IQSEC3: variants seen among roughly 807,000 people sequenced by gnomAD.
The protein encoded by IQSEC3 is IQ motif and Sec7 domain ArfGEF 3, also known as IQ motif and SEC7 domain-containing protein 3.
Under a neutral mutation model 105.4 loss-of-function variants are expected in IQSEC3, and 50 were observed. The ratio of observed to expected loss-of-function variants is 0.47; its 90% CI spans 0.38 to 0.60. IQSEC3 has a LOEUF of 0.60. Ranked by LOEUF, IQSEC3 falls within the 20% of genes least tolerant of loss-of-function variation. The pLI is 0.00. For synonymous variants in IQSEC3, 708 were observed against 746.0 expected (o/e 0.95, Z 0.83); for missense variants, 1,415 against 1,630.0 (o/e 0.87, Z 2.27).
Position 138,441 on chromosome 12 carries a change from A to ACGGCCGAGAGCCTGG in IQSEC3, c.1088_1102dup (p.Ser363_Glu367dup). 1.2e-6 allele frequency: 2 copies of ACGGCCGAGAGCCTGG among 1,605,324 alleles called. No homozygotes were observed. Among genetic ancestry groups the ACGGCCGAGAGCCTGG allele is most frequent in the Non-Finnish European group, 8.5e-7 (1 of 1,179,380 alleles). ...CTCCCTGCGCAAGGTGCGGTCACCC[A>ACGGCCGAGAGCCTGG]CGGCCGAGAGCCTGGCGGCCGAGAA... On this transcript the variant is annotated inframe_insertion, in exon 4 of 14. Transcript: ENST00000538872. This position sits in a 1 kb window ranked among gnomAD's most constrained non-coding sequence, Gnocchi z 7.1.
intron 5 of IQSEC3, among the ~76,000 whole-genome samples, chr12:147,315 G>C (rs895986493): frequency 6.6e-6 from 1 of 152,222 alleles, no homozygotes; most frequent in African/African-American, 2.4e-5. Context: ...ATCAGCATGT[G>C]CTGTGTGCCA....
chr12:73,866 G>C (rs1863421378), intron 1 of IQSEC3, among the ~76,000 whole-genome samples: 2 of 152,254 alleles, frequency 1.3e-5, no homozygotes, highest in South Asian at 4.1e-4. Flanking sequence ...ACCCTGAAAA[G>C]CAACCAGCAG....
intron 2 of IQSEC3, among the ~76,000 whole-genome samples, chr12:119,740 A>G (rs1252524739): frequency 6.6e-6 from 1 of 152,160 alleles, no homozygotes; most frequent in Non-Finnish European, 1.5e-5. Flanking sequence ...CATGTTGGGT[A>G]AGAATGGTGA....
At chr12:163,176 C>G in intron 8 of IQSEC3, among the ~76,000 whole-genome samples, 1 of 146,718 alleles carries the variant, frequency 6.8e-6, no homozygotes, top group Non-Finnish European at 1.5e-5. Flanking sequence ...AACCCCTCCC[C>G]TCTCCTCCCT....
intron 2 of IQSEC3, chr12:111,765 A>T (rs1864895495): frequency 6.6e-6 from 1 of 152,182 alleles, no homozygotes; most frequent in Admixed American, 6.5e-5. Flanking sequence ...ATCGAGTGGG[A>T]CACATCTCCC....
chr12:69,460 AAGGAGCAGAACAAAAATAAAAAATAATT>A (rs1555066895), intron 1 of IQSEC3, among the ~76,000 whole-genome samples: 1 of 152,258 alleles, frequency 6.6e-6, no homozygotes, highest in East Asian at 1.9e-4. Flanking sequence ...TTGCTTCCCA[AAGGAGCAGAACAAAAATAAAAAATAATT>A]AGCATGGTGG....
intron 1 of IQSEC3, among the ~76,000 whole-genome samples, chr12:73,575 C>T (rs567711472): frequency 6.6e-6 from 1 of 152,246 alleles, no homozygotes; most frequent in African/African-American, 2.4e-5. Context: ...GAGGCTGAGG[C>T]AGGAGAATCA....
rs782021780 is a variant in IQSEC3, at chr12:165,881, C to A, written c.2962C>A (p.Arg988=). ...IAEVTELEQI[R]IEWELEKQQG... is the part of the protein sequence containing the mutation. ...TGAGGTGACGGAGCTGGAGCAGATC[C>A]GAATAGAGTGTAAGGACACGGGCTC... is the stretch of plus-strand genomic sequence containing the variant. Residue 988 remains arginine, a synonymous_variant, in exon 11 of 14, where the codon CGA becomes AGA. Coordinates refer to ENST00000538872, the MANE Select transcript of IQSEC3 (RefSeq NM_001170738.2). 1 of 1,613,936 alleles carries A rather than the reference C, an allele frequency of 6.2e-7. No homozygotes were observed. Among genetic ancestry groups the A allele is most frequent in the Non-Finnish European group, 8.5e-7 (1 of 1,179,966 alleles).
At chr12:91,317 A>T (rs1555073339) in intron 1 of IQSEC3, among the ~76,000 whole-genome samples, 1 of 152,156 alleles carries the variant, frequency 6.6e-6, no homozygotes, top group African/African-American at 2.4e-5. Flanking sequence ...CTAAATATAG[A>T]TGTGGGAAGT....
chr12:89,894 T>C (rs1565387302), intron 1 of IQSEC3, among the ~76,000 whole-genome samples: 1 of 152,242 alleles, frequency 6.6e-6, no homozygotes, highest in African/African-American at 2.4e-5. Flanking sequence ...CATGAATAGT[T>C]TCGTATCAGT....
intron 5 of IQSEC3, among the ~76,000 whole-genome samples, chr12:153,633 G>A (rs1326379767): frequency 2.0e-5 from 3 of 152,164 alleles, no homozygotes; most frequent in Admixed American, 1.3e-4. Flanking sequence ...ACCCTGTGGT[G>A]GCAAATGCAG....
At chr12:71,511 C>A (rs1555067521) in intron 1 of IQSEC3, among the ~76,000 whole-genome samples, 1 of 152,264 alleles carries the variant, frequency 6.6e-6, no homozygotes, top group Non-Finnish European at 1.5e-5. Context: ...ATTATGTTAA[C>A]AGCCAAAGAG....
chr12:102,456 C>G (rs1266160472), intron 2 of IQSEC3, among the ~76,000 whole-genome samples: 7 of 152,222 alleles, frequency 4.6e-5, no homozygotes, highest in African/African-American at 9.6e-5. Flanking sequence ...CGGGGCTGAG[C>G]AAGGGTCCCT....
At chr12:99,776 G>T (rs1399278030) in intron 2 of IQSEC3, among the ~76,000 whole-genome samples, 1 of 152,138 alleles carries the variant, frequency 6.6e-6, no homozygotes, top group Non-Finnish European at 1.5e-5. Flanking sequence ...TTTCTCCTCT[G>T]TTTTTTCCTG....
At chr12:137,136 C>CTTCTTCT (rs1555086650) in intron 3 of IQSEC3, among the ~76,000 whole-genome samples, 2 of 151,444 alleles carry the variant, frequency 1.3e-5, no homozygotes, top group African/African-American at 2.4e-5. Flanking sequence ...CCTGGAGGGA[C>CTTCTTCT]CCCCATTCTT....
intron 1 of IQSEC3, among the ~76,000 whole-genome samples, chr12:92,848 T>C (rs1321413529): frequency 6.6e-6 from 1 of 152,194 alleles, no homozygotes; most frequent in African/African-American, 2.4e-5. Flanking sequence ...AGCTGGTTCT[T>C]GCTGTATTGA....
rs114065119 is a variant in IQSEC3 at position 147,331 on chromosome 12, G to A, written c.2153+6046G>A. On this transcript the variant is annotated intron_variant, in intron 5 of 13. Transcript: ENST00000538872. ...TCAGCATGTGCTGTGTGCCACAGGT[G>A]CTGTTCTGAGAGGCTTACATGCAAA... Among the ~76,000 whole-genome samples, 1,076 of 152,322 alleles carry A rather than the reference G, an allele frequency of 7.1e-3. 12 individuals are homozygous for A. Among genetic ancestry groups the A allele is most frequent in the African/African-American group, 0.024 (1,009 of 41,572 alleles).
intron 8 of IQSEC3, 55 bp downstream of exon 8, chr12:162,120 C>T: frequency 6.3e-7 from 1 of 1,583,558 alleles, no homozygotes; most frequent in Non-Finnish European, 8.6e-7. Context: ...TTCTTCCTGG[C>T]ATCTCTTCCC....
At chr12:109,221 C>T (rs1215723779) in intron 2 of IQSEC3, among the ~76,000 whole-genome samples, 5 of 152,224 alleles carry the variant, frequency 3.3e-5, no homozygotes, top group Non-Finnish European at 5.9e-5. Flanking sequence ...TCTGACAAAG[C>T]AGACAGTCTG....
Sources: gnomAD v4.1 joint callset for allele counts (sites outside exome capture counted in the v4.1 genomes callset) on GRCh38, gnomAD v4.1.1 for gene constraint, Gnocchi (gnomAD v3.1) non-coding constraint, MANE v1.5 for transcripts, NCBI Gene and HGNC (gene_info 2026-07-23, HGNC 2026-07-21) for gene names.